The following ABHD17C variants were observed in gnomAD, a reference collection of about 807,000 sequenced individuals.
ABHD17C encodes abhydrolase domain containing 17C, depalmitoylase, also known as alpha/beta hydrolase domain-containing protein 17C.
Under a neutral mutation model 27.9 loss-of-function variants are expected in ABHD17C, and 11 were observed. The observed-to-expected ratio is 0.39, with a 90% CI of 0.25 to 0.65. The LOEUF is 0.65. Among genes scored for constraint, ABHD17C ranks in the 30% least tolerant of loss-of-function variants. ABHD17C has a pLI of 0.45. For synonymous variants in ABHD17C, 233 were observed against 209.1 expected (o/e 1.11, Z -0.98); for missense variants, 280 against 470.2 (o/e 0.60, Z 3.74).
At chr15:80,706,109 C>T (rs1361617914) in intron 1 of ABHD17C, among the ~76,000 whole-genome samples, 1 of 152,234 alleles carries the variant, frequency 6.6e-6, no homozygotes, top group East Asian at 1.9e-4. Context: ...ATAGAGTTAA[C>T]CTTCCCTTTT....
chr15:80,713,436 G>A (rs965236555), intron 1 of ABHD17C, among the ~76,000 whole-genome samples: 1 of 132,778 alleles, frequency 7.5e-6, no homozygotes, highest in Non-Finnish European at 1.5e-5. Context: ...CTCCAGGAGT[G>A]TGTCCCATTT....
At chr15:80,716,336 C>G (rs1172340129) in intron 1 of ABHD17C, among the ~76,000 whole-genome samples, 1 of 152,182 alleles carries the variant, frequency 6.6e-6, no homozygotes, top group Admixed American at 6.5e-5. Flanking sequence ...ACAGACTAAG[C>G]TCCGACATGC....
In ABHD17C at chr15:80,747,877, A is replaced by G. The variant is rs1041234431; in HGVS notation, c.591-1636A>G. On this transcript the variant is annotated intron_variant, in intron 1 of 2. Coordinates refer to ENST00000258884, the MANE Select transcript of ABHD17C (RefSeq NM_021214.2). ...CTCCCAGCTTCCTTTTCATGCTGTC[A>G]TCTCCTGCCTGCCATTGTCACCTCA... 5.3e-5 allele frequency among the ~76,000 whole-genome samples: 8 copies of G among 152,200 alleles called. No homozygotes were observed. The East Asian group carries it at 1.5e-3, about 29-fold the overall frequency.
intron 1 of ABHD17C, among the ~76,000 whole-genome samples, chr15:80,705,359 GT>G (rs1351749774): frequency 9.2e-5 from 14 of 151,408 alleles, no homozygotes; most frequent in Admixed American, 9.2e-4. Context: ...GTGTGTGTGT[GT>G]GTGTGTGGTT....
chr15:80,725,587 A>G (rs1464993493), intron 1 of ABHD17C, among the ~76,000 whole-genome samples: 1 of 152,184 alleles, frequency 6.6e-6, no homozygotes, highest in African/African-American at 2.4e-5. Flanking sequence ...ATCCTAACTC[A>G]TTGCAGCCGT....
In ABHD17C at chr15:80,695,957, CA is replaced by C; in HGVS notation, c.530del (p.Lys177SerfsTer24). ...DYSGYGVSSG[K>X]PSEKNLYADI... ...ACTCGGGATACGGCGTCAGCTCGGG[CA>C]AGCCCTCCGAGAAGAACCTCTACGC... On this transcript the variant is annotated frameshift_variant, in exon 1 of 3. Coordinates refer to ENST00000258884, the MANE Select transcript of ABHD17C (RefSeq NM_021214.2). LOFTEE classifies it high-confidence loss of function. The surrounding 1 kb of genome is among the most constrained non-coding windows in gnomAD (Gnocchi z 4.3). The C allele has an allele frequency of 6.3e-7, 1 of 1,594,362 alleles. No individual in the cohort carries two copies.
At chr15:80,707,066 CAGA>C (rs761260259) in intron 1 of ABHD17C, among the ~76,000 whole-genome samples, 3 of 152,194 alleles carry the variant, frequency 2.0e-5, no homozygotes, top group Non-Finnish European at 2.9e-5. Flanking sequence ...TCTTTGTGCG[CAGA>C]AGGTCTGCTG....
At chr15:80,698,329 G>C (rs1284910607) in intron 1 of ABHD17C, among the ~76,000 whole-genome samples, 2 of 152,100 alleles carry the variant, frequency 1.3e-5, no homozygotes, top group African/African-American at 4.8e-5. Context: ...CTCCCAAAGT[G>C]CTGGGATTAC....
At chr15:80,753,209 C>T (rs953466022) in intron 2 of ABHD17C, among the ~76,000 whole-genome samples, 1 of 151,628 alleles carries the variant, frequency 6.6e-6, no homozygotes, top group African/African-American at 2.4e-5. Context: ...ATAAAAAAAT[C>T]TAAAAGTAAT....
chr15:80,737,771 G>C (rs569029902), intron 1 of ABHD17C, among the ~76,000 whole-genome samples: 2 of 152,154 alleles, frequency 1.3e-5, no homozygotes, highest in Non-Finnish European at 2.9e-5. Context: ...GACAAGGAGG[G>C]AGAACATTCC....
At chr15:80,723,738 G>C (rs780804216) in intron 1 of ABHD17C, among the ~76,000 whole-genome samples, 1 of 152,194 alleles carries the variant, frequency 6.6e-6, no homozygotes, top group African/African-American at 2.4e-5. Context: ...GGGGCACACA[G>C]AATCAGTGCA....
chr15:80,701,489 G>A (rs919376741), intron 1 of ABHD17C, among the ~76,000 whole-genome samples: 7 of 151,904 alleles, frequency 4.6e-5, no homozygotes, highest in African/African-American at 1.7e-4. Context: ...GACTAGCCTG[G>A]CCAACATGGT....
At chr15:80,728,140 G>A (rs942344923) in intron 1 of ABHD17C, among the ~76,000 whole-genome samples, 1 of 152,182 alleles carries the variant, frequency 6.6e-6, no homozygotes, top group Non-Finnish European at 1.5e-5. Flanking sequence ...GCCAGGATTA[G>A]AGATAGGGTA....
At chr15:80,698,984 C>A (rs1330355330) in intron 1 of ABHD17C, among the ~76,000 whole-genome samples, 1 of 152,156 alleles carries the variant, frequency 6.6e-6, no homozygotes, top group Admixed American at 6.5e-5. Flanking sequence ...CCCTGCAGGC[C>A]CCAAAGCCCC....
chr15:80,723,164 G>GTGTGTGTGTGTGTA (rs1894923267), intron 1 of ABHD17C, among the ~76,000 whole-genome samples: 1 of 151,672 alleles, frequency 6.6e-6, no homozygotes, highest in Non-Finnish European at 1.5e-5. Context: ...GTGTGTGTGT[G>GTGTGTGTGTGTGTA]TGTATCACAT....
intron 1 of ABHD17C, among the ~76,000 whole-genome samples, chr15:80,742,935 T>C (rs1352759758): frequency 7.1e-6 from 1 of 141,322 alleles, no homozygotes; most frequent in African/African-American, 2.7e-5. Context: ...GTACTTCTGA[T>C]AGCTGTTTGC....
rs1319312907 is a variant in ABHD17C at position 80,695,646 on chromosome 15, C to G, written c.217C>G (p.Pro73Ala). Residue 73 changes from proline (P) to alanine (A), a missense_variant, in exon 1 of 3, where the codon CCG (proline) becomes GCG (alanine). Around this residue, in one of 2 missense-constraint regions of ABHD17C, gnomAD observed 206 missense variants for 394.7 expected, o/e 0.52. Coordinates refer to ENST00000258884, the MANE Select transcript of ABHD17C (RefSeq NM_021214.2). The surrounding 1 kb of genome is among the most constrained non-coding windows in gnomAD (Gnocchi z 4.3). ...TAAAAAAQPA[P>A]QQPEEGAGAG... Reference sequence around the variant, plus strand: ...CGCCGCCGCCGCGGCCCAGCCGGCACCGCAGCAGCCCGAGGAGGGCGCGGG... The same window carrying G: ...CGCCGCCGCCGCGGCCCAGCCGGCAGCGCAGCAGCCCGAGGAGGGCGCGGG... 7.4e-7 allele frequency: 1 copy of G among 1,354,806 alleles called. No homozygotes were observed. Among genetic ancestry groups the G allele is most frequent in the East Asian group, 3.2e-5 (1 of 31,684 alleles). 83.9% of individuals were successfully genotyped at this position (1,354,806 alleles called of 1,614,324 possible).
chr15:80,705,472 AAAT>A (rs1435402147), intron 1 of ABHD17C, among the ~76,000 whole-genome samples: 2 of 152,038 alleles, frequency 1.3e-5, no homozygotes, highest in Non-Finnish European at 2.9e-5. Flanking sequence ...GCCTCAGTTA[AAAT>A]AATGATGATG....
intron 1 of ABHD17C, chr15:80,705,254 T>C (rs778104668): frequency 2.0e-5 from 3 of 151,888 alleles, no homozygotes; most frequent in African/African-American, 4.8e-5. Flanking sequence ...CTGGCTCTTA[T>C]GTCAGAGTCA....
Sources: allele counts gnomAD v4.1 joint callset (sites outside exome capture counted in the v4.1 genomes callset), GRCh38; gene constraint gnomAD v4.1.1; regional missense constraint gnomAD v4.1.1; non-coding constraint Gnocchi (gnomAD v3.1); transcripts MANE v1.5; gene names NCBI Gene and HGNC (gene_info 2026-07-23, HGNC 2026-07-21).